Variants in GABRG3 observed in about 807,000 individuals in gnomAD.
The protein encoded by GABRG3 is gamma-aminobutyric acid type A receptor subunit gamma3.
GABRG3 carries 25 observed loss-of-function variants against 48.8 expected under a neutral mutation model. The observed-to-expected ratio is 0.51, with a 90% CI of 0.37 to 0.72. GABRG3 has a LOEUF of 0.72. GABRG3 is among the 30% of genes least tolerant of loss of function. GABRG3 has a pLI of 0.00. For synonymous variants in GABRG3, 227 were observed against 217.6 expected, an observed-to-expected ratio of 1.04 and a Z score of -0.38; for missense variants, 394 against 577.9, an observed-to-expected ratio of 0.68 and a Z score of 3.26.
At position 27,484,782 on chromosome 15, in the gene GABRG3, C is replaced by T. The variant is rs185917782; in HGVS notation, c.712+3995C>T. ...AAAATCATGGGGCTATATCAACAGACGCCAACTAAAAGATATCACAATGGT... is the reference window on the plus strand; with the variant it reads ...AAAATCATGGGGCTATATCAACAGATGCCAACTAAAAGATATCACAATGGT... On this transcript the variant is annotated intron_variant, in intron 6 of 9. Transcript: ENST00000615808. 2.8e-4 allele frequency among the ~76,000 whole-genome samples: 43 copies of T among 152,090 alleles called. No homozygotes were observed. The Middle Eastern group carries it at 0.01, about 36-fold the overall frequency.
chr15:27,514,387 C>T (rs539160380), intron 6 of GABRG3, among the ~76,000 whole-genome samples: 6 of 152,306 alleles, frequency 3.9e-5, no homozygotes, highest in African/African-American at 1.2e-4. Flanking sequence ...GACTTGACTG[C>T]AGAAGAATCA....
chr15:27,387,341 G>C (rs112436377), intron 5 of GABRG3, among the ~76,000 whole-genome samples: 63 of 151,814 alleles, frequency 4.1e-4, no homozygotes, highest in African/African-American at 1.5e-3. Flanking sequence ...TAAATCTATT[G>C]TTTTAGCAAG....
At chr15:27,066,359 G>T (rs1395805445) in intron 3 of GABRG3, among the ~76,000 whole-genome samples, 1 of 152,134 alleles carries the variant, frequency 6.6e-6, no homozygotes, top group South Asian at 2.1e-4. Flanking sequence ...CTTTTGGAGG[G>T]ATAGGGCTGT....
At chr15:27,520,424 C>A (rs1392303892) in intron 7 of GABRG3, among the ~76,000 whole-genome samples, 1 of 151,664 alleles carries the variant, frequency 6.6e-6, no homozygotes, top group African/African-American at 2.4e-5. Flanking sequence ...CAGAACCTGT[C>A]AACTCAAAAG....
At position 27,326,824 on chromosome 15, in the gene GABRG3, A is replaced by C; in HGVS notation, c.286A>C (p.Ile96Leu). 1.2e-6 allele frequency: 2 copies of C among 1,613,748 alleles called. No homozygotes were observed. The highest frequency in any genetic ancestry group is 2.2e-5 in the South Asian group (2 of 91,080). ...SSINMEYQIDIFFAQTWTDSR... is the reference protein window; with the variant it reads ...SSINMEYQIDLFFAQTWTDSR... ...TCTGTTTCAGGAATACCAAATTGAC[A>C]TATTTTTTGCTCAGACCTGGACAGA... The change falls in exon 4 of 10, where the codon ATA (isoleucine) becomes CTA (leucine). Residue 96 changes from isoleucine (I) to leucine (L), a missense_variant. This residue lies in a region of GABRG3 where 218 missense variants were observed against 309.9 expected (regional missense o/e 0.70). Transcript: ENST00000615808.
chr15:26,983,045 C>G, intron 2 of GABRG3, among the ~76,000 whole-genome samples: 1 of 152,152 alleles, frequency 6.6e-6, no homozygotes, highest in East Asian at 1.9e-4. Context: ...ACAGCTCTCC[C>G]GGTAAAAGAT....
intron 3 of GABRG3, among the ~76,000 whole-genome samples, chr15:27,249,560 T>TA (rs1890390258): frequency 6.6e-6 from 1 of 152,224 alleles, no homozygotes; most frequent in Admixed American, 6.5e-5. Flanking sequence ...TGCTCACCAC[T>TA]GGATGCACTG....
At chr15:27,087,340 G>A (rs1009721247) in intron 3 of GABRG3, among the ~76,000 whole-genome samples, 6 of 152,190 alleles carry the variant, frequency 3.9e-5, no homozygotes, top group Admixed American at 1.3e-4. Context: ...TCCACAGTTC[G>A]TGTTCTTCTG....
chr15:27,061,873 C>T (rs1896652668), intron 3 of GABRG3, among the ~76,000 whole-genome samples: 1 of 152,200 alleles, frequency 6.6e-6, no homozygotes, highest in South Asian at 2.1e-4. Context: ...CTGCTGTGCT[C>T]CCGAGAGGCA....
chr15:27,424,137 G>C (rs1228742565), intron 5 of GABRG3, among the ~76,000 whole-genome samples: 1 of 152,046 alleles, frequency 6.6e-6, no homozygotes. Context: ...GAACGTCTTT[G>C]CTTACCTGGG....
chr15:27,092,074 A>G (rs1001864401), intron 3 of GABRG3, among the ~76,000 whole-genome samples: 13 of 152,118 alleles, frequency 8.5e-5, no homozygotes, highest in Non-Finnish European at 7.4e-5. Flanking sequence ...TCACTGTTTT[A>G]TGAAGCAACA....
intron 3 of GABRG3, among the ~76,000 whole-genome samples, chr15:27,167,549 G>C (rs1237647685): frequency 6.6e-6 from 1 of 152,182 alleles, no homozygotes; most frequent in Non-Finnish European, 1.5e-5. Context: ...AAACTAATCA[G>C]ATTTTAAAAA....
intron 3 of GABRG3, among the ~76,000 whole-genome samples, chr15:27,292,203 T>C (rs566269302): frequency 6.6e-6 from 1 of 151,756 alleles, no homozygotes; most frequent in African/African-American, 2.4e-5. Context: ...GGCATTTGGA[T>C]TGGTTTCAAG....
intron 3 of GABRG3, among the ~76,000 whole-genome samples, chr15:27,209,849 T>C (rs1411534858): frequency 6.6e-6 from 1 of 152,198 alleles, no homozygotes; most frequent in Non-Finnish European, 1.5e-5. Context: ...TTCTGAGACC[T>C]CTCTCCTTGG....
chr15:27,307,104 CATGTTTATATATAAACAT>C (rs1892589826), intron 3 of GABRG3, among the ~76,000 whole-genome samples: 1 of 121,108 alleles, frequency 8.3e-6, no homozygotes, highest in African/African-American at 3.8e-5. Context: ...ATAATATAAA[CATGTTTATATATAAACAT>C]AATATAAACA....
intron 2 of GABRG3, among the ~76,000 whole-genome samples, chr15:27,011,779 C>T (rs1253577823): frequency 6.7e-6 from 1 of 149,904 alleles, no homozygotes; most frequent in South Asian, 2.1e-4. Flanking sequence ...ACCTGGGAGG[C>T]GGAGCTTACA....
chr15:27,156,188 A>C (rs1234443448), intron 3 of GABRG3, among the ~76,000 whole-genome samples: 1 of 149,428 alleles, frequency 6.7e-6, no homozygotes. Flanking sequence ...AGTCCCAGTT[A>C]CTTGGGAGGC....
At chr15:27,098,456 A>G (rs1184579590) in intron 3 of GABRG3, among the ~76,000 whole-genome samples, 1 of 152,202 alleles carries the variant, frequency 6.6e-6, no homozygotes, top group Non-Finnish European at 1.5e-5. Context: ...CAACAAAAAT[A>G]CACAAAAAAA....
intron 2 of GABRG3, among the ~76,000 whole-genome samples, chr15:27,024,670 C>T (rs955979636): frequency 1.3e-5 from 2 of 152,192 alleles, no homozygotes; most frequent in African/African-American, 4.8e-5. Flanking sequence ...CAATCTCCTT[C>T]TTGGATTCTA....
Sources: gnomAD v4.1 joint callset for allele counts (sites outside exome capture counted in the v4.1 genomes callset) on GRCh38, gnomAD v4.1.1 for gene constraint, gnomAD v4.1.1 regional missense constraint, MANE v1.5 for transcripts, NCBI Gene and HGNC (gene_info 2026-07-23, HGNC 2026-07-21) for gene names.